Variants in NLGN1 observed in about 807,000 individuals in gnomAD.
The protein encoded by NLGN1 is neuroligin-1.
NLGN1 carries 12 observed loss-of-function variants against 65.5 expected under a neutral mutation model. That is an observed-to-expected ratio of 0.18 (90% CI 0.12 to 0.30). The LOEUF is 0.30. Among genes scored for constraint, NLGN1 ranks in the 10% least tolerant of loss-of-function variants. The pLI is 1.00. For synonymous variants in NLGN1, 350 were observed against 359.5 expected, an observed-to-expected ratio of 0.97 and a Z score of 0.30; for missense variants, 750 against 1,007.1, an observed-to-expected ratio of 0.74 and a Z score of 3.46.
At chr3:173,417,306 C>CT (rs1409485830) in intron 1 of NLGN1, among the ~76,000 whole-genome samples, 7 of 151,694 alleles carry the variant, frequency 4.6e-5, no homozygotes, top group Non-Finnish European at 1.0e-4. Flanking sequence ...TTTAAATGGT[C>CT]TTTTTCAATT....
At chr3:173,587,675 G>A (rs1301286875) in intron 2 of NLGN1, among the ~76,000 whole-genome samples, 1 of 152,082 alleles carries the variant, frequency 6.6e-6, no homozygotes, top group Non-Finnish European at 1.5e-5. Context: ...GGTAGTTTGG[G>A]GTAAAGAGAT....
chr3:173,965,525 G>T lies in NLGN1; in HGVS notation c.646+157693G>T, dbSNP rs1007125217. Among the ~76,000 whole-genome samples, 7 of 150,342 alleles carry T rather than the reference G, an allele frequency of 4.7e-5. No individual in the cohort carries two copies. The South Asian group carries it at 1.5e-3, about 32-fold the overall frequency. The stretch of plus-strand genomic sequence containing the variant: ...GTAGAGACAGAATTTCACCATGCTG[G>T]CCAGAATGGTCTCGAACTACTGACC... On this transcript the variant is annotated intron_variant, in intron 4 of 6. Coordinates refer to ENST00000457714, the Ensembl canonical transcript of NLGN1.
rs541531892 is a variant in NLGN1 at position 173,534,196 on chromosome 3, A to G, written c.-320-70083A>G. ...CCACAGCTATTTTAAAAGAACTATA[A>G]TGTAATTTCATATCCTAATTGGTGG... On this transcript the variant is annotated intron_variant, in intron 2 of 6. Transcript: ENST00000457714. Among the ~76,000 whole-genome samples the G allele has an allele frequency of 7.2e-5, 11 of 152,306 alleles. No homozygotes were observed. In the South Asian group the frequency reaches 1.9e-3, roughly 26 times the overall value.
intron 4 of NLGN1, among the ~76,000 whole-genome samples, chr3:173,925,177 C>T (rs1397078414): frequency 1.3e-5 from 2 of 152,042 alleles, no homozygotes; most frequent in Admixed American, 6.6e-5. Flanking sequence ...TAGAAATTCA[C>T]ATTTGTAGAT....
At chr3:173,762,295 TTTG>T (rs1222738192) in intron 3 of NLGN1, among the ~76,000 whole-genome samples, 1 of 152,030 alleles carries the variant, frequency 6.6e-6, no homozygotes, top group Non-Finnish European at 1.5e-5. Context: ...GAAGTACTTT[TTTG>T]TTGTTTTTTA....
intron 1 of NLGN1, among the ~76,000 whole-genome samples, chr3:173,431,607 A>C (rs1290614928): frequency 2.0e-5 from 3 of 152,176 alleles, no homozygotes; most frequent in Non-Finnish European, 4.4e-5. Flanking sequence ...ATTGATTGGA[A>C]GATGCAGAGA....
intron 3 of NLGN1, among the ~76,000 whole-genome samples, chr3:173,783,051 AT>A (rs1233859146): frequency 6.6e-6 from 1 of 152,228 alleles, no homozygotes; most frequent in Non-Finnish European, 1.5e-5. Flanking sequence ...GTCTACAGAA[AT>A]AATTTCCTTC....
At chr3:173,466,744 T>C (rs1724424770) in intron 2 of NLGN1, among the ~76,000 whole-genome samples, 1 of 152,206 alleles carries the variant, frequency 6.6e-6, no homozygotes, top group African/African-American at 2.4e-5. Flanking sequence ...AATTTAGATT[T>C]GGAAAACCAT....
chr3:173,853,055 T>A (rs192396585), intron 4 of NLGN1, among the ~76,000 whole-genome samples: 80 of 152,316 alleles, frequency 5.3e-4, no homozygotes, highest in African/African-American at 1.9e-3. Flanking sequence ...TCTACACATT[T>A]ATACCCGTCT....
At chr3:173,536,658 C>T (rs1737483447) in intron 2 of NLGN1, among the ~76,000 whole-genome samples, 1 of 152,130 alleles carries the variant, frequency 6.6e-6, no homozygotes, top group Non-Finnish European at 1.5e-5. Context: ...ATGATTTACT[C>T]TGTATAAAAA....
At chr3:173,906,087 A>G (rs1254237599) in intron 4 of NLGN1, among the ~76,000 whole-genome samples, 1 of 152,234 alleles carries the variant, frequency 6.6e-6, no homozygotes, top group Non-Finnish European at 1.5e-5. Context: ...GAGAACCACT[A>G]TTTATTCACT....
At chr3:173,952,264 G>A (rs1253290972) in intron 4 of NLGN1, among the ~76,000 whole-genome samples, 1 of 152,134 alleles carries the variant, frequency 6.6e-6, no homozygotes, top group South Asian at 2.1e-4. Flanking sequence ...AACAAGTCTG[G>A]AATCCCAGAC....
intron 4 of NLGN1, among the ~76,000 whole-genome samples, chr3:173,851,726 G>T (rs1056538026): frequency 2.0e-5 from 3 of 151,998 alleles, no homozygotes; most frequent in African/African-American, 7.2e-5. Context: ...TTAAAATTTT[G>T]ATCTAGTAAT....
intron 3 of NLGN1, among the ~76,000 whole-genome samples, chr3:173,709,015 G>A (rs1423374957): frequency 6.6e-6 from 1 of 152,156 alleles, no homozygotes; most frequent in African/African-American, 2.4e-5. Flanking sequence ...TTTAGTTATT[G>A]AGAAATGTAG....
chr3:174,182,871 C>T (rs1050816173), intron 4 of NLGN1, among the ~76,000 whole-genome samples: 7 of 152,082 alleles, frequency 4.6e-5, no homozygotes, highest in African/African-American at 1.2e-4. Context: ...CTCACATTGC[C>T]GCTGTCTCTC....
intron 3 of NLGN1, among the ~76,000 whole-genome samples, chr3:173,750,999 C>T (rs1444898221): frequency 6.6e-6 from 1 of 151,942 alleles, no homozygotes. Context: ...AAACTATTAC[C>T]CTATTTCTGC....
At chr3:173,762,035 A>G (rs1293484554) in intron 3 of NLGN1, among the ~76,000 whole-genome samples, 2 of 152,076 alleles carry the variant, frequency 1.3e-5, no homozygotes, top group African/African-American at 4.8e-5. Flanking sequence ...CCTACTGGTA[A>G]TTTTAGTACT....
intron 3 of NLGN1, among the ~76,000 whole-genome samples, chr3:173,766,925 G>A (rs1039252213): frequency 6.6e-6 from 1 of 152,020 alleles, no homozygotes; most frequent in African/African-American, 2.4e-5. Context: ...TTTTTATCTA[G>A]ATAAATGATT....
chr3:173,899,370 A>G (rs1736917411), intron 4 of NLGN1, among the ~76,000 whole-genome samples: 1 of 152,106 alleles, frequency 6.6e-6, no homozygotes, highest in Admixed American at 6.6e-5. Context: ...TTTAAGAAAA[A>G]TTTGGAATAA....
Sources: allele counts gnomAD v4.1 joint callset (sites outside exome capture counted in the v4.1 genomes callset), GRCh38; gene constraint gnomAD v4.1.1; transcripts MANE v1.5; gene names NCBI Gene and HGNC (gene_info 2026-07-23, HGNC 2026-07-21).